Variants in ZNF716 observed in about 807,000 individuals in gnomAD.
The protein encoded by ZNF716 is zinc finger protein 716.
ZNF716 carries 9 observed loss-of-function variants against 13.4 expected under a neutral mutation model. The observed-to-expected ratio is 0.67, with a 90% CI of 0.41 to 1.18. ZNF716 has a LOEUF of 1.18. Among genes scored for constraint, ZNF716 ranks in the 50% most tolerant of loss-of-function variants. The pLI is 0.01. For missense variants in ZNF716, 581 were observed against 576.6 expected (o/e 1.01, Z -0.08); for synonymous variants, 186 against 195.2 (o/e 0.95, Z 0.39).
chr7:57,465,544 C>T (rs2116420538), intron 3 of ZNF716, among the ~76,000 whole-genome samples: 1 of 152,168 alleles, frequency 6.6e-6, no homozygotes, highest in Non-Finnish European at 1.5e-5. Context: ...TAAAGACGGT[C>T]TCACTGTGTT....
chr7:57,458,525 C>A (rs1302120636), intron 1 of ZNF716, among the ~76,000 whole-genome samples: 4 of 151,878 alleles, frequency 2.6e-5, no homozygotes, highest in Non-Finnish European at 5.9e-5. Context: ...CAGATTAAAG[C>A]GATTCTTTTG....
At chr7:57,454,090 C>A (rs1789544223) in intron 1 of ZNF716, among the ~76,000 whole-genome samples, 1 of 152,212 alleles carries the variant, frequency 6.6e-6, no homozygotes, top group African/African-American at 2.4e-5. Flanking sequence ...ACCTGTGCCT[C>A]TCAAATTGTT....
At chr7:57,454,873 A>C (rs557319499) in intron 1 of ZNF716, among the ~76,000 whole-genome samples, 3 of 152,138 alleles carry the variant, frequency 2.0e-5, no homozygotes, top group South Asian at 4.2e-4. Flanking sequence ...AAAATACAGA[A>C]ACATTAGCCA....
Position 57,469,490 on chromosome 7 carries a change from G to A in ZNF716, c.1029G>A (p.Lys343=), listed in dbSNP as rs782040915. 1 of 1,612,908 alleles carries A rather than the reference G, an allele frequency of 6.2e-7. No individual in the cohort carries two copies. Among genetic ancestry groups the A allele is most frequent in the Admixed American group, 1.7e-5 (1 of 59,744 alleles). The part of the protein sequence containing the change: ...FSLSSTLKKH[K]IVHTGEKLYT... Reference sequence around the variant, plus strand: ...TATCCTCAACCCTTAAGAAACATAAGATAGTTCATACTGGGGAGAAACTCT... The same window carrying A: ...TATCCTCAACCCTTAAGAAACATAAAATAGTTCATACTGGGGAGAAACTCT... Residue 343 remains lysine (K), a synonymous_variant, in exon 4 of 4, where the codon AAG becomes AAA. Coordinates refer to ENST00000420713, the MANE Select transcript of ZNF716 (RefSeq NM_001159279.1).
chr7:57,467,474 G>C (rs112766138), intron 3 of ZNF716, among the ~76,000 whole-genome samples: 2 of 152,074 alleles, frequency 1.3e-5, no homozygotes, highest in East Asian at 3.9e-4. Context: ...TTTGTAGTAC[G>C]TGTTTGCTGG....
Position 57,469,750 on chromosome 7 carries a change from A to T in ZNF716, c.1289A>T (p.His430Leu). 1.2e-6 allele frequency: 2 copies of T among 1,612,150 alleles called. No homozygotes were observed. The highest frequency in any genetic ancestry group is 1.7e-6 in the Non-Finnish European group (2 of 1,179,072). Residue 430 changes from histidine to leucine, a missense_variant, in exon 4 of 4, where the codon CAT becomes CTT. By Grantham distance (99) the His-to-Leu change is moderately conservative. Transcript: ENST00000420713. ...SSTLKKHKII[H>L]TGEKLYKCKE... is the part of the protein sequence containing the mutation. ...ACCCTTAAGAAACATAAGATAATTC[A>T]TACTGGAGAGAAACTCTACAAATGT...
chr7:57,469,322 G>A lies in ZNF716; in HGVS notation c.861G>A (p.Lys287=), dbSNP rs782448439. 29 of 1,607,722 alleles carry A rather than the reference G, an allele frequency of 1.8e-5. No homozygotes were observed. The highest frequency in any genetic ancestry group is 2.5e-5 in the Non-Finnish European group (29 of 1,176,016). ...VFSRSTLTNY[K]RIHTGEKPYT... ...GCCGCTCAACACTTACTAACTACAA[G>A]AGAATTCATACTGGAGAGAAACCCT... Residue 287 remains lysine, a synonymous_variant, in exon 4 of 4, where the codon AAG becomes AAA. Coordinates refer to ENST00000420713, the MANE Select transcript of ZNF716 (RefSeq NM_001159279.1).
intron 1 of ZNF716, among the ~76,000 whole-genome samples, 175 bp downstream of exon 1, chr7:57,450,502 C>T (rs1789466964): frequency 6.6e-6 from 1 of 152,138 alleles, no homozygotes; most frequent in African/African-American, 2.4e-5. Flanking sequence ...CTGCCTGGGC[C>T]AGCGGCTGGG....
intron 1 of ZNF716, among the ~76,000 whole-genome samples, chr7:57,455,743 C>T (rs1789574176): frequency 6.6e-6 from 1 of 152,076 alleles, no homozygotes; most frequent in Admixed American, 6.6e-5. Context: ...GTCTCAAACT[C>T]CTGACTTCAG....
In ZNF716 at chr7:57,462,457, T is replaced by C. The variant is rs782234807; in HGVS notation, c.40-3T>C. On this transcript the variant is annotated splice_polypyrimidine_tract_variant and splice_region_variant and intron_variant, in intron 1 of 3. Transcript: ENST00000420713. ...TTTTTGTTTGTTTATTTTTTGTTTT[T>C]AGGGACTGTTGACATTCAGAGACAT... The C allele has an allele frequency of 6.2e-7, 1 of 1,613,526 alleles. No individual in the cohort carries two copies. The highest frequency in any genetic ancestry group is 1.3e-5 in the African/African-American group (1 of 74,984).
chr7:57,451,044 G>A (rs1450938524), intron 1 of ZNF716, among the ~76,000 whole-genome samples: 1 of 150,088 alleles, frequency 6.7e-6, no homozygotes, highest in African/African-American at 2.5e-5. Flanking sequence ...TTTTTTGAGA[G>A]GGAGTCTCGC....
rs1554324798 is a variant in ZNF716, at chr7:57,469,455, G to A, written c.994G>A (p.Ala332Thr). 2 of 1,613,768 alleles carry A rather than the reference G, an allele frequency of 1.2e-6. No individual in the cohort carries two copies. The highest frequency in any genetic ancestry group is 1.1e-5 in the South Asian group (1 of 91,054). The change falls in exon 4 of 4, where the codon GCC becomes ACC. Residue 332 changes from alanine (A) to threonine (T), a missense_variant. By Grantham distance (58) the Ala-to-Thr change is moderately conservative. Transcript: ENST00000420713. The stretch of plus-strand genomic sequence containing the variant: ...CTACAAATGTGAAGAATGTGGCAAA[G>A]CCTTTAGCTTATCCTCAACCCTTAA... ...RPYKCEECGK[A>T]FSLSSTLKKH...
At position 57,469,057 on chromosome 7, in the gene ZNF716, G is replaced by A. The variant is rs782278077; in HGVS notation, c.596G>A (p.Arg199His). 2.2e-5 allele frequency: 36 copies of A among 1,606,946 alleles called. 1 individual carries two copies. The highest frequency in any genetic ancestry group is 1.2e-4 in the South Asian group (11 of 90,576). Residue 199 changes from arginine to histidine, a missense_variant, in exon 4 of 4, where the codon CGC (arginine) becomes CAC (histidine). Arg to His is a conservative substitution (Grantham distance 29, BLOSUM62 0). Coordinates refer to ENST00000420713, the MANE Select transcript of ZNF716 (RefSeq NM_001159279.1). ...NDGKSFCMLSRLNQHQIIHTR... is the reference protein window; with the variant it reads ...NDGKSFCMLSHLNQHQIIHTR... ...GGCAAATCATTTTGCATGCTTTCAC[G>A]CCTAAATCAACATCAGATAATTCAT... is the stretch of plus-strand genomic sequence containing the variant.
At chr7:57,466,274 A>G (rs1554324106) in intron 3 of ZNF716, among the ~76,000 whole-genome samples, 1 of 152,160 alleles carries the variant, frequency 6.6e-6, no homozygotes, top group Non-Finnish European at 1.5e-5. Context: ...CAACCGCAAT[A>G]TTGACTGGGG....
At chr7:57,467,615 C>G (rs1789839631) in intron 3 of ZNF716, among the ~76,000 whole-genome samples, 1 of 152,038 alleles carries the variant, frequency 6.6e-6, no homozygotes. Flanking sequence ...AATAATACCT[C>G]ACGTTTATCT....
chr7:57,457,339 A>G (rs782333162), intron 1 of ZNF716, among the ~76,000 whole-genome samples: 6 of 151,252 alleles, frequency 4.0e-5, no homozygotes, highest in Non-Finnish European at 8.8e-5. Context: ...ACCCTTTCCC[A>G]CCCATGAATT....
At chr7:57,455,319 T>G (rs1789565799) in intron 1 of ZNF716, among the ~76,000 whole-genome samples, 1 of 152,138 alleles carries the variant, frequency 6.6e-6, no homozygotes, top group African/African-American at 2.4e-5. Flanking sequence ...AGAGAAAAAT[T>G]TAAGCAAAGT....
intron 1 of ZNF716, among the ~76,000 whole-genome samples, chr7:57,459,663 T>C (rs1313610295): frequency 6.6e-6 from 1 of 152,114 alleles, no homozygotes; most frequent in Non-Finnish European, 1.5e-5. Context: ...TCAAGATACA[T>C]TCATGAGAGT....
Position 57,464,115 on chromosome 7 carries a change from C to CTTTTTTTTTTTTTTTTTTTTTTTTTTTTT in ZNF716, c.262+953_262+954insTTTTTTTTTTTTTTTTTTTTTTTTTTTTT, listed in dbSNP as rs782745508. On this transcript the variant is annotated intron_variant, in intron 3 of 3. Transcript: ENST00000420713. ...AGGTAGTTCAATCATTTGTCCATTT[C>CTTTTTTTTTTTTTTTTTTTTTTTTTTTTT]TTTTTTCTTTTTTTTTTTTTTTTGA... Among the ~76,000 whole-genome samples, 4 of 110,240 alleles carry CTTTTTTTTTTTTTTTTTTTTTTTTTTTTT rather than the reference C, an allele frequency of 3.6e-5. 1 individual carries two copies. Among genetic ancestry groups the CTTTTTTTTTTTTTTTTTTTTTTTTTTTTT allele is most frequent in the Non-Finnish European group, 5.2e-5 (3 of 57,780 alleles). 72.3% of individuals were successfully genotyped at this position (110,240 alleles called of 152,430 possible). A position where few individuals can be genotyped will look rare whatever the true frequency, so the allele number is the denominator to read the frequency against.
Sources: gnomAD v4.1 joint callset for allele counts (sites outside exome capture counted in the v4.1 genomes callset) on GRCh38, gnomAD v4.1.1 for gene constraint, MANE v1.5 for transcripts, NCBI Gene and HGNC (gene_info 2026-07-23, HGNC 2026-07-21) for gene names.